The following MAF variants were observed in gnomAD, a reference collection of about 807,000 sequenced individuals.
The protein encoded by MAF is MAF bZIP transcription factor, also known as transcription factor Maf.
Under a neutral mutation model 22.0 loss-of-function variants are expected in MAF, and 10 were observed. That is an observed-to-expected ratio of 0.45 (90% confidence interval 0.28 to 0.77). The LOEUF is 0.77. Among genes scored for constraint, MAF ranks in the 30% least tolerant of loss-of-function variants. The pLI is 0.12. For synonymous variants in MAF, 337 were observed against 255.8 expected, an observed-to-expected ratio of 1.32 and a Z score of -3.03; for missense variants, 544 against 548.4, an observed-to-expected ratio of 0.99 and a Z score of 0.08.
At chr16:79,341,126 A>G in the MAF span, among the ~76,000 whole-genome samples, 1 of 152,054 alleles carries the variant, frequency 6.6e-6, no homozygotes, top group Non-Finnish European at 1.5e-5. Flanking sequence ...AGGTGTGGGC[A>G]CACAGTGGGC....
chr16:79,289,867 T>TTTTTTTTTTTTA, the MAF span, among the ~76,000 whole-genome samples: 6 of 118,532 alleles, frequency 5.1e-5, no homozygotes, highest in Admixed American at 2.9e-4. Context: ...TTTTTTTTTT[T>TTTTTTTTTTTTA]TGTGAGACGG....
chr16:79,379,262 T>A, the MAF span, among the ~76,000 whole-genome samples: 44 of 152,326 alleles, frequency 2.9e-4, no homozygotes, highest in South Asian at 8.3e-4. Context: ...AAAAGAACTC[T>A]GAGTGTCGTG....
At chr16:79,206,527 C>G in the MAF span, 2 of 152,176 alleles carry the variant, frequency 1.3e-5, no homozygotes, top group Non-Finnish European at 2.9e-5. Context: ...TTACAAAGCT[C>G]TCCATGCAGA....
At chr16:79,319,059 A>AT in the MAF span, among the ~76,000 whole-genome samples, 23,250 of 151,820 alleles carry the variant, frequency 0.15, 2,600 homozygotes, top group African/African-American at 0.31. Context: ...TGAATCACAG[A>AT]TTTTTTTTTC....
the MAF span, among the ~76,000 whole-genome samples, chr16:79,573,730 T>C: frequency 6.6e-6 from 1 of 152,198 alleles, no homozygotes; most frequent in Non-Finnish European, 1.5e-5. Context: ...CTAATATATG[T>C]CCAAAGAAGA....
the MAF span, among the ~76,000 whole-genome samples, chr16:79,323,746 T>A: frequency 6.6e-6 from 1 of 152,126 alleles, no homozygotes; most frequent in Non-Finnish European, 1.5e-5. Context: ...GAGAGCAACA[T>A]CTTTGCTGAC....
At chr16:79,307,750 A>C in the MAF span, among the ~76,000 whole-genome samples, 2 of 152,196 alleles carry the variant, frequency 1.3e-5, no homozygotes, top group East Asian at 3.9e-4. Flanking sequence ...GAAGCCTTCA[A>C]GTAGATCTCA....
At chr16:79,216,755 T>C in the MAF span, among the ~76,000 whole-genome samples, 1 of 152,118 alleles carries the variant, frequency 6.6e-6, no homozygotes, top group South Asian at 2.1e-4. Context: ...TGTGTACATA[T>C]ATGTGTGTAT....
downstream of MAF, among the ~76,000 whole-genome samples, chr16:79,584,732 T>A (rs1214536304): frequency 6.6e-6 from 1 of 152,214 alleles, no homozygotes; most frequent in Non-Finnish European, 1.5e-5. Flanking sequence ...ACCCCAAATG[T>A]ATACACTGAG....
At chr16:79,297,691 T>C in the MAF span, among the ~76,000 whole-genome samples, 3 of 152,324 alleles carry the variant, frequency 2.0e-5, no homozygotes, top group Non-Finnish European at 4.4e-5. Context: ...TTCTCATTCT[T>C]CACATTATGA....
chr16:79,222,591 TAA>T, the MAF span, among the ~76,000 whole-genome samples: 1 of 151,968 alleles, frequency 6.6e-6, no homozygotes, highest in East Asian at 1.9e-4. Context: ...GCAAATTAGA[TAA>T]AGAGTCAAGA....
chr16:79,458,628 C>T, the MAF span, among the ~76,000 whole-genome samples: 5 of 152,026 alleles, frequency 3.3e-5, no homozygotes, highest in African/African-American at 1.2e-4. Flanking sequence ...TTCCAGAGTT[C>T]AACAATAAGC....
chr16:79,365,900 C>T, the MAF span, among the ~76,000 whole-genome samples: 1 of 152,208 alleles, frequency 6.6e-6, no homozygotes, highest in Non-Finnish European at 1.5e-5. Context: ...TTTAGGAACT[C>T]ATTAGTATGT....
At chr16:79,567,382 A>T in the MAF span, among the ~76,000 whole-genome samples, 16 of 152,250 alleles carry the variant, frequency 1.1e-4, no homozygotes, top group African/African-American at 3.9e-4. Flanking sequence ...TTTGATTACT[A>T]CCTTAGTTTG....
At chr16:79,561,543 A>G in the MAF span, among the ~76,000 whole-genome samples, 1 of 142,898 alleles carries the variant, frequency 7.0e-6, no homozygotes, top group African/African-American at 2.6e-5. Flanking sequence ...TTAAATTCCC[A>G]CCTACGAGTG....
chr16:79,251,849 A>T, the MAF span, among the ~76,000 whole-genome samples: 16 of 152,082 alleles, frequency 1.1e-4, no homozygotes, highest in Admixed American at 2.6e-4. Context: ...ATGATAATTT[A>T]AAAAAAATTT....
the MAF span, among the ~76,000 whole-genome samples, chr16:79,351,837 G>A: frequency 6.6e-6 from 1 of 152,124 alleles, no homozygotes; most frequent in South Asian, 2.1e-4. Context: ...GCTGGGAAAT[G>A]TGGCAGCTTC....
At chr16:79,389,656 A>G in the MAF span, among the ~76,000 whole-genome samples, 2 of 152,018 alleles carry the variant, frequency 1.3e-5, no homozygotes, top group Non-Finnish European at 2.9e-5. Context: ...GGCCCTTCCC[A>G]TACTTGTCTG....
the MAF span, among the ~76,000 whole-genome samples, chr16:79,253,439 G>C: frequency 6.6e-6 from 1 of 152,108 alleles, no homozygotes; most frequent in Non-Finnish European, 1.5e-5. Context: ...TCCTCCCCTA[G>C]GTTCCCCATT....
Sources: allele counts gnomAD v4.1 joint callset (sites outside exome capture counted in the v4.1 genomes callset), GRCh38; gene constraint gnomAD v4.1.1; transcripts MANE v1.5; gene names NCBI Gene and HGNC (gene_info 2026-07-23, HGNC 2026-07-21).